The following RANGAP1 variants were observed in gnomAD, a reference collection of about 807,000 sequenced individuals.
RANGAP1 encodes the protein ran GTPase-activating protein 1.
A neutral mutation model predicts 63.5 loss-of-function variants in RANGAP1; 38 were observed. That is an observed-to-expected ratio of 0.60 (90% CI 0.46 to 0.78). The LOEUF is 0.78. Among genes scored for constraint, RANGAP1 ranks in the 30% least tolerant of loss-of-function variants. The probability of loss-of-function intolerance (pLI) is 0.00; values close to 1 mark genes in which losing one functional copy is unlikely to be tolerated. For missense variants in RANGAP1, 630 were observed against 740.3 expected (o/e 0.85, Z 1.73); for synonymous variants, 329 against 310.5 (o/e 1.06, Z -0.63).
chr22:41,271,541 A>G (rs1317090560), intron 3 of RANGAP1, among the ~76,000 whole-genome samples: 1 of 151,986 alleles, frequency 6.6e-6, no homozygotes, highest in Non-Finnish European at 1.5e-5. Context: ...TAAAAATACA[A>G]AAAATTAGCC....
At chr22:41,251,395 G>A (rs1428493085) in intron 12 of RANGAP1, among the ~76,000 whole-genome samples, 1 of 152,232 alleles carries the variant, frequency 6.6e-6, no homozygotes. Flanking sequence ...GGAGGCTGAG[G>A]TGGGAGGATG....
upstream of RANGAP1, among the ~76,000 whole-genome samples, chr22:41,290,915 C>T (rs769907775): frequency 2.0e-5 from 3 of 152,212 alleles, no homozygotes; most frequent in East Asian, 1.9e-4. Context: ...ACTGGGTGCT[C>T]GCCTGCAGCC....
chr22:41,273,774 A>AG (rs2034976676), intron 3 of RANGAP1, among the ~76,000 whole-genome samples: 1 of 133,964 alleles, frequency 7.5e-6, no homozygotes, highest in African/African-American at 2.9e-5. Flanking sequence ...CTCAAAAAAA[A>AG]AAAAAAAAAA....
At chr22:41,255,973 A>G (rs1464998782) in intron 10 of RANGAP1, 48 bp downstream of exon 10, 3 of 1,546,884 alleles carry the variant, frequency 1.9e-6, no homozygotes, top group Non-Finnish European at 2.7e-6. Flanking sequence ...AGAAAGAAAG[A>G]AAGGAATGGC....
intron 10 of RANGAP1, among the ~76,000 whole-genome samples, chr22:41,254,939 T>C (rs530791902): frequency 6.7e-6 from 1 of 150,238 alleles, no homozygotes; most frequent in African/African-American, 2.5e-5. Context: ...GCCACTGCAC[T>C]CTAGCCTGGG....
intron 15 of RANGAP1, among the ~76,000 whole-genome samples, chr22:41,248,261 CAG>C (rs929778397): frequency 3.3e-5 from 5 of 152,326 alleles, no homozygotes; most frequent in Non-Finnish European, 5.9e-5. Flanking sequence ...TAGCACCTGG[CAG>C]AGGAGGGGAA....
In RANGAP1 at chr22:41,258,017, G is replaced by GT; in HGVS notation, c.704dup (p.Asn235LysfsTer11). On this transcript the variant is annotated frameshift_variant, in exon 7 of 16. Transcript: ENST00000356244. LOFTEE classifies it high-confidence loss of function. The stretch of plus-strand genomic sequence containing the variant: ...TCAGGTTGATGACCCGCAGCAGGGG[G>GT]TTGACAGCGAAAGCCTGGGCCAGGG... 6.2e-7 allele frequency: 1 copy of GT among 1,613,184 alleles called. No individual in the cohort carries two copies. Among genetic ancestry groups the GT allele is most frequent in the Non-Finnish European group, 8.5e-7 (1 of 1,179,532 alleles).
At chr22:41,277,390 A>G (rs1465755329) in intron 2 of RANGAP1, 6 of 1,071,846 alleles carry the variant, frequency 5.6e-6, no homozygotes, top group African/African-American at 3.3e-5. Flanking sequence ...AAGTGAGGAT[A>G]TATTTTTTCC....
chr22:41,247,313 C>T (rs901543856), intron 15 of RANGAP1, among the ~76,000 whole-genome samples: 1 of 152,114 alleles, frequency 6.6e-6, no homozygotes, highest in African/African-American at 2.4e-5. Context: ...CCTCGGCCTC[C>T]CAAAGTGCTG....
chr22:41,261,025 G>C (rs1273113655), intron 6 of RANGAP1, among the ~76,000 whole-genome samples: 1 of 152,146 alleles, frequency 6.6e-6, no homozygotes, highest in Non-Finnish European at 1.5e-5. Context: ...TGGCACCTGA[G>C]CCCTGCGGCT....
In RANGAP1 at chr22:41,258,721, C is replaced by G. The variant is rs958684537; in HGVS notation, c.616-615G>C. On this transcript the variant is annotated intron_variant, in intron 6 of 15. Transcript: ENST00000356244. Reference sequence around the variant, plus strand: ...CCAGGCTGGAGTGTGATGGCATGATCTTGGCTCATCGCAACCTCTGCCTCC... The same window carrying G: ...CCAGGCTGGAGTGTGATGGCATGATGTTGGCTCATCGCAACCTCTGCCTCC... Among the ~76,000 whole-genome samples the G allele has an allele frequency of 5.3e-5, 8 of 152,094 alleles. 1 individual carries two copies. The highest frequency in any genetic ancestry group is 1.2e-4 in the Non-Finnish European group (8 of 68,026).
the RANGAP1 span, among the ~76,000 whole-genome samples, chr22:41,293,682 G>C: frequency 6.7e-6 from 1 of 150,044 alleles, no homozygotes; most frequent in Non-Finnish European, 1.5e-5. Flanking sequence ...GGGAGGCTGA[G>C]GCAGGAGAAT....
chr22:41,299,992 C>T, the RANGAP1 span, among the ~76,000 whole-genome samples: 2 of 152,144 alleles, frequency 1.3e-5, no homozygotes, highest in East Asian at 3.9e-4. Context: ...ACCTCATGAT[C>T]CGCCCGCCTC....
chr22:41,257,528 T>A lies in RANGAP1; in HGVS notation c.774+420A>T, dbSNP rs1414806346. On this transcript the variant is annotated intron_variant, in intron 7 of 15. Coordinates refer to ENST00000356244, the MANE Select transcript of RANGAP1 (RefSeq NM_002883.4). This position sits in a 1 kb window ranked among gnomAD's most constrained non-coding sequence, Gnocchi z 4.0. ...TACTCAGAAGGCTGAGGTGGGAGGA[T>A]CACTTGATCCCAGAAGTTCAAGACC... 6.6e-6 allele frequency among the ~76,000 whole-genome samples: 1 copy of A among 151,992 alleles called. No homozygotes were observed. The highest frequency in any genetic ancestry group is 1.5e-5 in the Non-Finnish European group (1 of 68,006).
chr22:41,279,244 C>T (rs557834886), intron 2 of RANGAP1, among the ~76,000 whole-genome samples: 8 of 151,704 alleles, frequency 5.3e-5, no homozygotes, highest in Non-Finnish European at 1.0e-4. Context: ...CTGAGGCGGG[C>T]GAATCACCTG....
chr22:41,285,993 A>AGGC lies in RANGAP1; in HGVS notation c.-49_-47dup, dbSNP rs2035733943. ...AAGGGACCCTGACTCTACCGTAAAC[A>AGGC]GGCGGCGCCGCCGCGTGGGGGGAAT... is the stretch of plus-strand genomic sequence containing the variant. On this transcript the variant is annotated 5_prime_UTR_variant, in exon 1 of 16. Coordinates refer to ENST00000356244, the MANE Select transcript of RANGAP1 (RefSeq NM_002883.4). 1.3e-5 allele frequency: 2 copies of AGGC among 152,352 alleles called. No homozygotes were observed. 9.4% of individuals were successfully genotyped at this position (152,352 alleles called of 1,614,324 possible). A position where few individuals can be genotyped will look rare whatever the true frequency, so the allele number is the denominator to read the frequency against.
At chr22:41,252,137 C>T (rs910283539) in intron 12 of RANGAP1, among the ~76,000 whole-genome samples, 1 of 151,940 alleles carries the variant, frequency 6.6e-6, no homozygotes, top group Non-Finnish European at 1.5e-5. Context: ...TTGAGACCAG[C>T]CTGGCCAACG....
Position 41,246,618 on chromosome 22 carries a change from C to A in RANGAP1, c.1749G>T (p.Thr583=). ...GGCTTTGAGTCTAGACCTTGTACAG[C>A]GTCTGCAGCAGACTGTGGCGGGCGA... is the stretch of plus-strand genomic sequence containing the variant. The part of the protein sequence containing the change: ...CSFARHSLLQ[T]LYKV Residue 583 remains threonine, a synonymous_variant, in exon 16 of 16, where the codon ACG becomes ACT. Transcript: ENST00000356244. The A allele has an allele frequency of 6.3e-7, 1 of 1,579,134 alleles. No individual in the cohort carries two copies. Among genetic ancestry groups the A allele is most frequent in the East Asian group, 2.3e-5 (1 of 43,642 alleles).
chr22:41,294,205 C>A, the RANGAP1 span, among the ~76,000 whole-genome samples: 2 of 152,216 alleles, frequency 1.3e-5, no homozygotes, highest in African/African-American at 4.8e-5. Context: ...GCGTGCGCCG[C>A]CACGCCTGAC....
Sources: allele counts gnomAD v4.1 joint callset (sites outside exome capture counted in the v4.1 genomes callset), GRCh38; gene constraint gnomAD v4.1.1; non-coding constraint Gnocchi (gnomAD v3.1); transcripts MANE v1.5; gene names NCBI Gene and HGNC (gene_info 2026-07-23, HGNC 2026-07-21).